SPATA19: variants seen among roughly 807,000 people sequenced by gnomAD.
SPATA19 encodes the protein spermatogenesis-associated protein 19, mitochondrial.
SPATA19 carries 19 observed loss-of-function variants against 25.0 expected under a neutral mutation model. That is an observed-to-expected ratio of 0.76 (90% CI 0.53 to 1.11). The LOEUF (loss-of-function observed/expected upper bound fraction) is 1.11. Among genes scored for constraint, SPATA19 ranks in the 50% most tolerant of loss-of-function variants. The probability of loss-of-function intolerance (pLI) is 0.00; values close to 1 mark genes in which losing one functional copy is unlikely to be tolerated. For synonymous variants in SPATA19, 64 were observed against 69.3 expected, an observed-to-expected ratio of 0.92 and a Z score of 0.38; for missense variants, 222 against 211.4, an observed-to-expected ratio of 1.05 and a Z score of -0.31.
rs201183816 is a variant in SPATA19, at chr11:133,845,460, C to T, written c.-14G>A. The T allele has an allele frequency of 1.2e-5, 20 of 1,613,670 alleles. No individual in the cohort carries two copies. The East Asian group carries it at 4.0e-4, about 32-fold the overall frequency. On this transcript the variant is annotated 5_prime_UTR_variant, in exon 1 of 7. Coordinates refer to ENST00000299140, the MANE Select transcript of SPATA19 (RefSeq NM_174927.3). ...CGTAATTATCATCTTTGAATGTATACCAGGCCCCCTTCTTGGCTCCCTCCT... is the reference window on the plus strand; with the variant it reads ...CGTAATTATCATCTTTGAATGTATATCAGGCCCCCTTCTTGGCTCCCTCCT...
At chr11:133,837,753 T>TAG (rs1250342253), downstream of SPATA19, among the ~76,000 whole-genome samples, 1 of 152,174 alleles carries the variant, frequency 6.6e-6, no homozygotes, top group African/African-American at 2.4e-5. Context: ...CTTGCAAATA[T>TAG]AGAACACTTC....
rs780009824 is a variant in SPATA19 at position 133,842,579 on chromosome 11, G to A, written c.360-17C>T. 39 of 1,590,998 alleles carry A rather than the reference G, an allele frequency of 2.5e-5. No homozygotes were observed. The highest frequency in any genetic ancestry group is 6.6e-5 in the South Asian group (6 of 90,640). Reference sequence around the variant, plus strand: ...CGAGTGTGGCTGCAAAAGGCCATTCGTACATTGGCATATGGGATCTGAGTT... The same window carrying A: ...CGAGTGTGGCTGCAAAAGGCCATTCATACATTGGCATATGGGATCTGAGTT... On this transcript the variant is annotated splice_polypyrimidine_tract_variant and intron_variant, in intron 4 of 6. Coordinates refer to ENST00000299140, the MANE Select transcript of SPATA19 (RefSeq NM_174927.3).
At chr11:133,836,709 AAGTAGTT>A (rs1259251572), downstream of SPATA19, among the ~76,000 whole-genome samples, 1 of 152,228 alleles carries the variant, frequency 6.6e-6, no homozygotes, top group Non-Finnish European at 1.5e-5. Flanking sequence ...TTCACCTTTC[AAGTAGTT>A]ATGAAAATTG....
chr11:133,837,268 T>C (rs1938229619), downstream of SPATA19, among the ~76,000 whole-genome samples: 1 of 152,140 alleles, frequency 6.6e-6, no homozygotes, highest in South Asian at 2.1e-4. Context: ...AGGCAGAAAG[T>C]TGGATACAGA....
At position 133,845,401 on chromosome 11, in the gene SPATA19, C is replaced by T; in HGVS notation, c.46G>A (p.Val16Ile). 3 of 1,614,036 alleles carry T rather than the reference C, an allele frequency of 1.9e-6. No homozygotes were observed. The South Asian group carries it at 3.3e-5, about 18-fold the overall frequency. Residue 16 changes from valine to isoleucine, a missense_variant, in exon 1 of 7, where the codon GTA (valine) becomes ATA (isoleucine). Transcript: ENST00000299140. ...GTTATTGGTAGGAAGGGAAGCCCTACACCTTTCCGAGCAAGAATATACACA... is the reference window on the plus strand; with the variant it reads ...GTTATTGGTAGGAAGGGAAGCCCTATACCTTTCCGAGCAAGAATATACACA... ...WIVYILARKGVGLPFLPITSS... is the reference protein window; with the variant it reads ...WIVYILARKGIGLPFLPITSS...
downstream of SPATA19, among the ~76,000 whole-genome samples, chr11:133,839,764 A>G (rs1938271772): frequency 6.6e-6 from 1 of 152,158 alleles, no homozygotes; most frequent in Non-Finnish European, 1.5e-5. Context: ...AGAGTGGAAA[A>G]AAGTGAAACA....
At chr11:133,837,164 C>A (rs1591682376), downstream of SPATA19, among the ~76,000 whole-genome samples, 1 of 152,326 alleles carries the variant, frequency 6.6e-6, no homozygotes, top group East Asian at 1.9e-4. Context: ...CTCATCCTAA[C>A]AATAAGAACT....
rs139528428 is a variant in SPATA19 at position 133,845,370 on chromosome 11, G to A, written c.77C>T (p.Ser26Leu). The A allele has an allele frequency of 1.2e-5, 20 of 1,609,538 alleles. No individual in the cohort carries two copies. Among genetic ancestry groups the A allele is most frequent in the East Asian group, 2.2e-5 (1 of 44,852 alleles). ...VGLPFLPITS[S>L]DIDVVESEAV... is the part of the protein sequence containing the mutation. ...TGTGACTACCACCAAGCTGCTTACC[G>A]AACTGGTTATTGGTAGGAAGGGAAG... The change falls in exon 1 of 7, where the codon TCG becomes TTG. Residue 26 changes from serine (S) to leucine (L), a missense_variant and splice_region_variant. Ser to Leu is a moderately radical substitution (Grantham distance 145). Transcript: ENST00000299140.
At chr11:133,839,223 C>T (rs1407772373), downstream of SPATA19, among the ~76,000 whole-genome samples, 4 of 152,158 alleles carry the variant, frequency 2.6e-5, no homozygotes, top group Non-Finnish European at 5.9e-5. Flanking sequence ...TATAAAGACA[C>T]ATGCACACGT....
Position 133,842,494 on chromosome 11 carries a change from A to G in SPATA19, c.428T>C (p.Val143Ala), listed in dbSNP as rs199957366. Residue 143 changes from valine to alanine, a missense_variant, in exon 5 of 7, where the codon GTG becomes GCG. Val to Ala is a moderately conservative substitution (Grantham distance 64). Coordinates refer to ENST00000299140, the MANE Select transcript of SPATA19 (RefSeq NM_174927.3). ...EDIMRDRIEQVRRSISRLTDV... is the reference protein window; with the variant it reads ...EDIMRDRIEQARRSISRLTDV... The stretch of plus-strand genomic sequence containing the variant: ...GTTCCAAACAGCTTACCTTCGTCTC[A>G]CCTGCTCTATTCGATCTCGCATGAT... The G allele has an allele frequency of 4.6e-5, 74 of 1,613,538 alleles. No homozygotes were observed. Among genetic ancestry groups the G allele is most frequent in the Non-Finnish European group, 5.8e-5 (68 of 1,179,636 alleles).
chr11:133,836,432 G>A (rs1364756802), downstream of SPATA19, among the ~76,000 whole-genome samples: 2 of 152,192 alleles, frequency 1.3e-5, no homozygotes, highest in African/African-American at 4.8e-5. Context: ...TGCAGTGTCT[G>A]GCAGGTAAAG....
chr11:133,842,339 C>G, intron 5 of SPATA19, 146 bp downstream of exon 5: 1 of 764,526 alleles, frequency 1.3e-6, no homozygotes, highest in Non-Finnish European at 2.3e-6. Flanking sequence ...GAAGACAAGA[C>G]GCAGCCCTGG....
chr11:133,839,859 T>A (rs1314687094), downstream of SPATA19, among the ~76,000 whole-genome samples: 1 of 151,374 alleles, frequency 6.6e-6, no homozygotes, highest in African/African-American at 2.4e-5. Flanking sequence ...GAGAGAAGAA[T>A]ACCCGCAAAA....
At chr11:133,844,008 G>A (rs1938365521) in intron 4 of SPATA19, among the ~76,000 whole-genome samples, 1 of 152,244 alleles carries the variant, frequency 6.6e-6, no homozygotes, top group Non-Finnish European at 1.5e-5. Flanking sequence ...GTATTCAGAA[G>A]CATTTAAGAA....
chr11:133,840,552 C>G (rs566148836), downstream of SPATA19: 2 of 152,300 alleles, frequency 1.3e-5, no homozygotes, highest in Admixed American at 1.3e-4. Flanking sequence ...CATGTGTCCC[C>G]AGAGCCAGGC....
At chr11:133,840,611 C>A (rs1051787365), downstream of SPATA19, 1 of 152,236 alleles carries the variant, frequency 6.6e-6, no homozygotes, top group East Asian at 1.9e-4. Context: ...TGGCACAGCA[C>A]CCCAACCAGC....
intron 1 of SPATA19, 49 bp from the exon 2 acceptor site, chr11:133,845,239 C>T (rs1411471537): frequency 6.3e-7 from 1 of 1,586,576 alleles, no homozygotes; most frequent in Non-Finnish European, 8.7e-7. Context: ...AGAAATTCAG[C>T]TCTTCCCACC....
chr11:133,840,554 G>C (rs1234586925), downstream of SPATA19: 1 of 152,190 alleles, frequency 6.6e-6, no homozygotes, highest in Non-Finnish European at 1.5e-5. Context: ...TGTGTCCCCA[G>C]AGCCAGGCCT....
At chr11:133,841,984 G>A in intron 6 of SPATA19, 46 bp downstream of exon 6, 1 of 1,566,750 alleles carries the variant, frequency 6.4e-7, no homozygotes, top group Non-Finnish European at 8.8e-7. Flanking sequence ...CACTGCCCAG[G>A]ATAACCATCT....
Sources: allele counts gnomAD v4.1 joint callset (sites outside exome capture counted in the v4.1 genomes callset), GRCh38; gene constraint gnomAD v4.1.1; transcripts MANE v1.5; gene names NCBI Gene and HGNC (gene_info 2026-07-23, HGNC 2026-07-21).